The following RAB10 variants were observed in gnomAD, a reference collection of about 807,000 sequenced individuals.
The protein encoded by RAB10 is RAB10, member RAS oncogene family.
A neutral mutation model predicts 25.7 loss-of-function variants in RAB10; 5 were observed. The observed-to-expected ratio is 0.19, with a 90% confidence interval of 0.10 to 0.41. RAB10 has a LOEUF of 0.41. RAB10 is among the 10% of genes least tolerant of loss of function. The pLI is 1.00. For synonymous variants in RAB10, 89 were observed against 86.4 expected (o/e 1.03, Z -0.16); for missense variants, 103 against 245.8 (o/e 0.42, Z 3.89).
At chr2:26,080,563 C>T (rs1316348173) in intron 1 of RAB10, among the ~76,000 whole-genome samples, 1 of 152,098 alleles carries the variant, frequency 6.6e-6, no homozygotes, top group Non-Finnish European at 1.5e-5. Context: ...CACAGGAGTA[C>T]AGTGACACAA....
At chr2:26,074,188 G>T (rs1219697105) in intron 1 of RAB10, among the ~76,000 whole-genome samples, 1 of 112,220 alleles carries the variant, frequency 8.9e-6, no homozygotes, top group Non-Finnish European at 2.2e-5. Flanking sequence ...TGAGATGATG[G>T]TATGGTAGTG....
At position 26,136,870 on chromosome 2, in the gene RAB10, C is replaced by T. The variant is rs987500772; in HGVS notation, c.*1849C>T. The T allele has an allele frequency of 6.6e-6, 1 of 152,532 alleles. No homozygotes were observed. Among genetic ancestry groups the T allele is most frequent in the Non-Finnish European group, 1.5e-5 (1 of 67,986 alleles). 9.4% of individuals were successfully genotyped at this position (152,532 alleles called of 1,614,324 possible). On this transcript the variant is annotated 3_prime_UTR_variant, in exon 6 of 6. Transcript: ENST00000264710. ...CACTTGACTTTATCATTGTTTACTACTAGTAAAAAGCAGCATTGCCAAATA... is the reference window on the plus strand; with the variant it reads ...CACTTGACTTTATCATTGTTTACTATTAGTAAAAAGCAGCATTGCCAAATA...
chr2:26,043,756 T>TCAC (rs1665939563), intron 1 of RAB10, among the ~76,000 whole-genome samples: 1 of 152,152 alleles, frequency 6.6e-6, no homozygotes, highest in Non-Finnish European at 1.5e-5. Context: ...AATGGGGAGT[T>TCAC]ATTGCTTAAT....
intron 3 of RAB10, among the ~76,000 whole-genome samples, chr2:26,123,971 TCTC>T (rs569660525): frequency 1.3e-4 from 20 of 152,084 alleles, no homozygotes; most frequent in Non-Finnish European, 2.4e-4. Context: ...CCCTCCTCTT[TCTC>T]CTCCTCAGCC....
chr2:26,061,267 C>T (rs900398541), intron 1 of RAB10, among the ~76,000 whole-genome samples: 2 of 151,850 alleles, frequency 1.3e-5, no homozygotes, highest in African/African-American at 4.8e-5. Flanking sequence ...AGGTGCACAC[C>T]ACCAGGTCCG....
intron 1 of RAB10, among the ~76,000 whole-genome samples, chr2:26,081,488 G>A (rs1191709983): frequency 6.6e-6 from 1 of 152,208 alleles, no homozygotes; most frequent in African/African-American, 2.4e-5. Flanking sequence ...TCTTAAGTTG[G>A]AGGAGACTAA....
chr2:26,042,904 G>A (rs922984238), intron 1 of RAB10: 1 of 152,080 alleles, frequency 6.6e-6, no homozygotes, highest in Non-Finnish European at 1.5e-5. Flanking sequence ...AAACCACAGT[G>A]AGATGTTACT....
intron 3 of RAB10, among the ~76,000 whole-genome samples, chr2:26,123,464 C>T (rs183595051): frequency 2.6e-5 from 4 of 152,316 alleles, no homozygotes; most frequent in African/African-American, 9.6e-5. Flanking sequence ...AAGCACAAAA[C>T]AGTAACTTCC....
chr2:26,047,723 G>GT (rs34517359), intron 1 of RAB10, among the ~76,000 whole-genome samples: 1,991 of 107,858 alleles, frequency 0.018, 177 homozygotes, highest in African/African-American at 0.066. Flanking sequence ...TGCCTGGCCT[G>GT]TTTTTTTTTT....
At chr2:26,046,918 T>C (rs1023500283) in intron 1 of RAB10, among the ~76,000 whole-genome samples, 1 of 152,214 alleles carries the variant, frequency 6.6e-6, no homozygotes, top group Non-Finnish European at 1.5e-5. Context: ...TTTATTAAGA[T>C]AATTGTAATT....
intron 1 of RAB10, among the ~76,000 whole-genome samples, chr2:26,054,243 A>G (rs1374789234): frequency 2.6e-5 from 4 of 151,308 alleles, no homozygotes; most frequent in Admixed American, 6.6e-5. Context: ...TAGTAGAGAC[A>G]GGGTTTCACC....
intron 1 of RAB10, among the ~76,000 whole-genome samples, chr2:26,074,382 A>G (rs2149271452): frequency 6.6e-6 from 1 of 152,276 alleles, no homozygotes; most frequent in South Asian, 2.1e-4. Context: ...AGAAACGGTG[A>G]GAAGTGTACT....
intron 1 of RAB10, among the ~76,000 whole-genome samples, chr2:26,080,032 A>C (rs917442746): frequency 2.0e-5 from 3 of 152,180 alleles, no homozygotes; most frequent in Middle Eastern, 3.2e-3. Context: ...GGGTAGGAGA[A>C]ATACAGAATG....
intron 1 of RAB10, among the ~76,000 whole-genome samples, chr2:26,083,483 T>C (rs924382424): frequency 2.0e-5 from 3 of 148,050 alleles, no homozygotes; most frequent in Non-Finnish European, 4.5e-5. Context: ...CCCTGTACTT[T>C]CCTTTTGTCT....
intron 1 of RAB10, among the ~76,000 whole-genome samples, chr2:26,048,689 A>G (rs1456648694): frequency 6.6e-6 from 1 of 152,046 alleles, no homozygotes; most frequent in African/African-American, 2.4e-5. Context: ...AGCTTGGGCA[A>G]CATGGCGAAA....
At chr2:26,120,535 A>G (rs933960544) in intron 3 of RAB10, among the ~76,000 whole-genome samples, 44 of 152,176 alleles carry the variant, frequency 2.9e-4, no homozygotes, top group African/African-American at 1.1e-3. Context: ...TAGCAGTAAC[A>G]TAAATTAAGA....
upstream of RAB10, among the ~76,000 whole-genome samples, chr2:26,033,758 G>T (rs562718566): frequency 2.6e-5 from 4 of 152,266 alleles, no homozygotes; most frequent in East Asian, 7.7e-4. Context: ...GGCTCTGTAA[G>T]GGTGTCCCGG....
At chr2:26,048,355 A>G (rs1314905279) in intron 1 of RAB10, among the ~76,000 whole-genome samples, 2 of 152,204 alleles carry the variant, frequency 1.3e-5, no homozygotes, top group Admixed American at 6.5e-5. Context: ...CTTTCTCTGC[A>G]TCCTCACCAG....
At chr2:26,098,916 C>G (rs1170841425) in intron 2 of RAB10, among the ~76,000 whole-genome samples, 194 bp downstream of exon 2, 1 of 152,110 alleles carries the variant, frequency 6.6e-6, no homozygotes, top group East Asian at 1.9e-4. Context: ...TTTCTACTTA[C>G]CGTGTGAACT....
Sources: gnomAD v4.1 joint callset for allele counts (sites outside exome capture counted in the v4.1 genomes callset) on GRCh38, gnomAD v4.1.1 for gene constraint, MANE v1.5 for transcripts, NCBI Gene and HGNC (gene_info 2026-07-23, HGNC 2026-07-21) for gene names.